Variants in TEAD1 observed in about 807,000 individuals in gnomAD.
TEAD1 encodes TEA domain transcription factor 1, also known as transcriptional enhancer factor TEF-1.
Under a neutral mutation model 54.9 loss-of-function variants are expected in TEAD1, and 9 were observed. The observed-to-expected ratio is 0.16, with a 90% CI of 0.10 to 0.29. The LOEUF (loss-of-function observed/expected upper bound fraction) is 0.29, where lower values mean the gene tolerates loss of function less well. TEAD1 is among the 10% of genes least tolerant of loss of function. TEAD1 has a pLI of 1.00. For synonymous variants in TEAD1, 200 were observed against 187.8 expected, an observed-to-expected ratio of 1.07 and a Z score of -0.53; for missense variants, 387 against 535.9, an observed-to-expected ratio of 0.72 and a Z score of 2.74.
intron 2 of TEAD1, among the ~76,000 whole-genome samples, chr11:12,735,690 C>T (rs961778904): frequency 6.6e-6 from 1 of 152,044 alleles, no homozygotes; most frequent in African/African-American, 2.4e-5. Context: ...CCCCTGGTCC[C>T]ACCACCACTC....
chr11:12,801,341 A>G (rs970411126), intron 3 of TEAD1, among the ~76,000 whole-genome samples: 8 of 152,208 alleles, frequency 5.3e-5, no homozygotes, highest in Non-Finnish European at 8.8e-5. Flanking sequence ...GCTCAGACTA[A>G]AAATCCCCTT....
intron 2 of TEAD1, among the ~76,000 whole-genome samples, chr11:12,706,700 C>T (rs1172298241): frequency 6.6e-6 from 1 of 152,142 alleles, no homozygotes; most frequent in Non-Finnish European, 1.5e-5. Flanking sequence ...TACCTGGCTC[C>T]TTCTAGGACT....
intron 9 of TEAD1, among the ~76,000 whole-genome samples, chr11:12,901,714 A>G (rs1219102044): frequency 6.6e-6 from 1 of 152,196 alleles, no homozygotes; most frequent in South Asian, 2.1e-4. Context: ...CCTTTTTTAG[A>G]TATTTCGGAA....
At chr11:12,902,757 G>C (rs1363850236) in intron 10 of TEAD1, among the ~76,000 whole-genome samples, 2 of 151,954 alleles carry the variant, frequency 1.3e-5, no homozygotes, top group Non-Finnish European at 2.9e-5. Context: ...GGCCCTAAGC[G>C]ACCTGGTTCC....
intron 2 of TEAD1, among the ~76,000 whole-genome samples, chr11:12,708,920 A>G (rs909247326): frequency 1.3e-5 from 2 of 152,182 alleles, no homozygotes; most frequent in African/African-American, 4.8e-5. Flanking sequence ...ATATGCATTA[A>G]TTTTGGGAGG....
At chr11:12,679,451 T>G (rs1040084371) in intron 2 of TEAD1, among the ~76,000 whole-genome samples, 8 of 152,318 alleles carry the variant, frequency 5.3e-5, no homozygotes, top group Admixed American at 1.3e-4. Context: ...CTGGTTGCTT[T>G]TAGGCATCTG....
At chr11:12,735,881 T>A (rs894301179) in intron 2 of TEAD1, among the ~76,000 whole-genome samples, 1 of 152,230 alleles carries the variant, frequency 6.6e-6, no homozygotes, top group Non-Finnish European at 1.5e-5. Context: ...CATGCTTGTT[T>A]AAGGCTAATT....
intron 2 of TEAD1, among the ~76,000 whole-genome samples, chr11:12,729,835 GGCATGTT>G (rs1490419100): frequency 1.3e-5 from 2 of 152,178 alleles, no homozygotes; most frequent in African/African-American, 2.4e-5. Flanking sequence ...TAATTCTCAA[GGCATGTT>G]GCTCTCCTCA....
intron 2 of TEAD1, among the ~76,000 whole-genome samples, chr11:12,745,981 T>C (rs1366354961): frequency 1.3e-5 from 2 of 152,208 alleles, no homozygotes; most frequent in African/African-American, 4.8e-5. Context: ...GCATCTTTTC[T>C]TGTAGCTGGG....
intron 2 of TEAD1, among the ~76,000 whole-genome samples, chr11:12,752,943 G>C (rs1426559519): frequency 6.6e-6 from 1 of 151,472 alleles, no homozygotes; most frequent in African/African-American, 2.4e-5. Flanking sequence ...GGGCTCAGGT[G>C]ATCCTCCTAC....
chr11:12,826,896 G>A (rs1046127786), intron 3 of TEAD1, among the ~76,000 whole-genome samples: 1 of 152,120 alleles, frequency 6.6e-6, no homozygotes, highest in African/African-American at 2.4e-5. Context: ...AGTTTTAATT[G>A]AAAGATTGGC....
intron 3 of TEAD1, among the ~76,000 whole-genome samples, chr11:12,829,515 A>C (rs553221153): frequency 2.0e-5 from 3 of 152,328 alleles, no homozygotes; most frequent in East Asian, 1.9e-4. Context: ...GTAAAATCCA[A>C]ACTGAAGGAA....
intron 3 of TEAD1, among the ~76,000 whole-genome samples, chr11:12,769,933 G>T: frequency 6.6e-6 from 1 of 152,150 alleles, no homozygotes. Context: ...AGGTGATTAA[G>T]CCTGTAAGCC....
intron 2 of TEAD1, among the ~76,000 whole-genome samples, chr11:12,721,985 A>G (rs188799436): frequency 1.9e-3 from 289 of 152,144 alleles, no homozygotes; most frequent in African/African-American, 6.6e-3. Context: ...CAGGTGCCTC[A>G]CTCCTAAATA....
At chr11:12,867,957 C>G (rs1399668973) in intron 5 of TEAD1, among the ~76,000 whole-genome samples, 1 of 152,204 alleles carries the variant, frequency 6.6e-6, no homozygotes, top group Admixed American at 6.5e-5. Context: ...ACTATCCTTG[C>G]AGACACTGCC....
intron 12 of TEAD1, among the ~76,000 whole-genome samples, chr11:12,936,758 G>A (rs1256633373): frequency 6.6e-6 from 1 of 152,170 alleles, no homozygotes; most frequent in Non-Finnish European, 1.5e-5. Flanking sequence ...CAATTTCTTA[G>A]AGTAAATGAT....
chr11:12,806,939 G>A (rs1366079320), intron 3 of TEAD1, among the ~76,000 whole-genome samples: 2 of 151,872 alleles, frequency 1.3e-5, no homozygotes, highest in Admixed American at 1.3e-4. Context: ...AGGCTGTTTG[G>A]GGCAAAAAAA....
At chr11:12,768,018 G>A (rs1945241648) in intron 3 of TEAD1, among the ~76,000 whole-genome samples, 1 of 152,152 alleles carries the variant, frequency 6.6e-6, no homozygotes, top group Non-Finnish European at 1.5e-5. Flanking sequence ...AAAATAGATA[G>A]CAAACCACGG....
chr11:12,927,977 G>C (rs1189780134), intron 11 of TEAD1, among the ~76,000 whole-genome samples: 1 of 151,968 alleles, frequency 6.6e-6, no homozygotes, highest in Non-Finnish European at 1.5e-5. Context: ...ATTTACTGTA[G>C]GCTTTTATTA....
Sources: gnomAD v4.1 joint callset for allele counts (sites outside exome capture counted in the v4.1 genomes callset) on GRCh38, gnomAD v4.1.1 for gene constraint, MANE v1.5 for transcripts, NCBI Gene and HGNC (gene_info 2026-07-23, HGNC 2026-07-21) for gene names.